LYPD6: variants seen among roughly 807,000 people sequenced by gnomAD.
LYPD6 encodes LY6/PLAUR domain containing 6.
Under a neutral mutation model 22.7 loss-of-function variants are expected in LYPD6, and 15 were observed. The ratio of observed to expected loss-of-function variants is 0.66; its 90% CI spans 0.44 to 1.02. The LOEUF is 1.02. Among genes scored for constraint, LYPD6 ranks in the 50% least tolerant of loss-of-function variants. The pLI is 0.00. For missense variants in LYPD6, 189 were observed against 208.4 expected (o/e 0.91, Z 0.57); for synonymous variants, 72 against 77.5 (o/e 0.93, Z 0.37).
At chr2:149,377,562 C>T (rs1466124772) in intron 1 of LYPD6, among the ~76,000 whole-genome samples, 2 of 152,146 alleles carry the variant, frequency 1.3e-5, no homozygotes, top group Non-Finnish European at 2.9e-5. Context: ...GGTGAATCAC[C>T]TGAGGTCAGG....
intron 3 of LYPD6, among the ~76,000 whole-genome samples, chr2:149,451,809 T>A (rs2079809439): frequency 6.6e-6 from 1 of 152,200 alleles, no homozygotes; most frequent in African/African-American, 2.4e-5. Flanking sequence ...AAAACAACCA[T>A]GCTAGGCCCC....
chr2:149,388,571 TG>T, intron 1 of LYPD6, among the ~76,000 whole-genome samples: 1 of 151,774 alleles, frequency 6.6e-6, no homozygotes, highest in South Asian at 2.1e-4. Context: ...CAGGAGAACA[TG>T]TCTGGGTGTT....
At chr2:149,371,564 G>T (rs568113181) in intron 1 of LYPD6, among the ~76,000 whole-genome samples, 131 of 152,260 alleles carry the variant, frequency 8.6e-4, no homozygotes, top group African/African-American at 1.2e-3. Flanking sequence ...CAGGTTTTTT[G>T]TGTGTGTGTA....
chr2:149,358,544 C>G (rs991222150), intron 1 of LYPD6, among the ~76,000 whole-genome samples: 1 of 151,990 alleles, frequency 6.6e-6, no homozygotes, highest in Non-Finnish European at 1.5e-5. Flanking sequence ...GCGGCATGGG[C>G]AATTGGGGGA....
intron 1 of LYPD6, among the ~76,000 whole-genome samples, chr2:149,396,537 G>T (rs1360782483): frequency 6.6e-6 from 1 of 151,980 alleles, no homozygotes. Context: ...TAGTGTATTT[G>T]CAAGATACCC....
At chr2:149,383,407 G>C (rs566184621) in intron 1 of LYPD6, among the ~76,000 whole-genome samples, 9 of 152,174 alleles carry the variant, frequency 5.9e-5, no homozygotes, top group African/African-American at 2.2e-4. Flanking sequence ...GCTTTTGTGA[G>C]CCTTCTTTTA....
intron 1 of LYPD6, among the ~76,000 whole-genome samples, chr2:149,362,053 G>A (rs1681580793): frequency 6.6e-6 from 1 of 152,144 alleles, no homozygotes; most frequent in African/African-American, 2.4e-5. Context: ...CTCCCTTAGA[G>A]CCTCCATAAG....
intron 2 of LYPD6, among the ~76,000 whole-genome samples, chr2:149,443,670 AAAT>A (rs1262547945): frequency 6.6e-6 from 1 of 152,152 alleles, no homozygotes; most frequent in African/African-American, 2.4e-5. Flanking sequence ...TGATTAATTA[AAAT>A]ATCTGCAAGA....
intron 4 of LYPD6, among the ~76,000 whole-genome samples, chr2:149,470,324 C>T (rs941476073): frequency 3.3e-5 from 5 of 152,200 alleles, no homozygotes; most frequent in African/African-American, 1.2e-4. Flanking sequence ...CTCTCTTCCT[C>T]AAGTAGTCAG....
chr2:149,386,188 AG>A (rs1682180417), intron 1 of LYPD6, among the ~76,000 whole-genome samples: 1 of 152,248 alleles, frequency 6.6e-6, no homozygotes, highest in Admixed American at 6.5e-5. Context: ...TTATAAGGAA[AG>A]GAGAATCTTT....
At chr2:149,345,454 C>T (rs185616171) in intron 1 of LYPD6, among the ~76,000 whole-genome samples, 1,853 of 150,636 alleles carry the variant, frequency 0.012, 15 homozygotes, top group Non-Finnish European at 0.019. Flanking sequence ...CTACAGGCAC[C>T]TGCCACCACA....
intron 3 of LYPD6, among the ~76,000 whole-genome samples, chr2:149,462,155 A>G (rs972839984): frequency 1.3e-5 from 2 of 152,024 alleles, no homozygotes; most frequent in African/African-American, 4.8e-5. Flanking sequence ...CAACAAATCT[A>G]AAGAGAATTC....
chr2:149,393,227 C>T (rs1682353505), intron 1 of LYPD6, among the ~76,000 whole-genome samples: 1 of 152,208 alleles, frequency 6.6e-6, no homozygotes, highest in African/African-American at 2.4e-5. Flanking sequence ...ATTTATGCAT[C>T]TATAGCTTCT....
chr2:149,370,989 C>T (rs1026839164), intron 1 of LYPD6, among the ~76,000 whole-genome samples: 2 of 152,164 alleles, frequency 1.3e-5, no homozygotes, highest in African/African-American at 4.8e-5. Context: ...TAGCTAATGA[C>T]AACTGTACAA....
At chr2:149,454,637 G>A (rs1680909227) in intron 3 of LYPD6, among the ~76,000 whole-genome samples, 5 of 152,096 alleles carry the variant, frequency 3.3e-5, no homozygotes, top group Admixed American at 2.0e-4. Flanking sequence ...GGGCATGTAA[G>A]CATTGGCTTT....
downstream of LYPD6, among the ~76,000 whole-genome samples, chr2:149,478,749 T>A (rs531017990): frequency 6.6e-6 from 1 of 152,208 alleles, no homozygotes; most frequent in African/African-American, 2.4e-5. Context: ...TGGTTCAGTC[T>A]AGGAAATGCC....
At chr2:149,462,484 T>C (rs1681108052) in intron 3 of LYPD6, among the ~76,000 whole-genome samples, 1 of 151,348 alleles carries the variant, frequency 6.6e-6, no homozygotes, top group South Asian at 2.1e-4. Context: ...GTCAGTTCTC[T>C]ACAGATTGTT....
At chr2:149,404,273 A>G (rs1007552393) in intron 1 of LYPD6, among the ~76,000 whole-genome samples, 1 of 152,052 alleles carries the variant, frequency 6.6e-6, no homozygotes, top group African/African-American at 2.4e-5. Flanking sequence ...TGTGAAGAAA[A>G]TCATTGTTAG....
In LYPD6 at chr2:149,473,295, C is replaced by G. The variant is rs1198379112; in HGVS notation, c.*2445C>G. The G allele has an allele frequency of 6.5e-6, 1 of 152,736 alleles. No homozygotes were observed. The highest frequency in any genetic ancestry group is 1.9e-4 in the East Asian group (1 of 5,170). The allele number at this position is 152,736 out of a possible 1,614,324, so 9.5% of individuals were successfully genotyped here. A position where few individuals can be genotyped will look rare whatever the true frequency, so the allele number is the denominator to read the frequency against. On this transcript the variant is annotated 3_prime_UTR_variant, in exon 5 of 5. Coordinates refer to ENST00000334166, the MANE Select transcript of LYPD6 (RefSeq NM_194317.5). ...TCTGCATAGATGTTGCTGCATGTGT[C>G]CCATGTGCCTGTCAGAATGGCAGTG...
Sources: gnomAD v4.1 joint callset for allele counts (sites outside exome capture counted in the v4.1 genomes callset) on GRCh38, gnomAD v4.1.1 for gene constraint, MANE v1.5 for transcripts, NCBI Gene and HGNC (gene_info 2026-07-23, HGNC 2026-07-21) for gene names.